The following MIPEP variants were observed in gnomAD, a reference collection of about 807,000 sequenced individuals.
MIPEP encodes the protein mitochondrial intermediate peptidase.
Under a neutral mutation model 90.3 loss-of-function variants are expected in MIPEP, and 79 were observed. That is an observed-to-expected ratio of 0.87 (90% CI 0.73 to 1.05). MIPEP has a LOEUF of 1.05. Among genes scored for constraint, MIPEP ranks in the 50% least tolerant of loss-of-function variants. MIPEP has a pLI of 0.00. For missense variants in MIPEP, 940 were observed against 905.6 expected, an observed-to-expected ratio of 1.04 and a Z score of -0.49; for synonymous variants, 334 against 315.8, an observed-to-expected ratio of 1.06 and a Z score of -0.61.
Position 23,796,101 on chromosome 13 carries a change from T to C in MIPEP, c.1848+9849A>G, listed in dbSNP as rs183989317. Among the ~76,000 whole-genome samples the C allele has an allele frequency of 2.4e-4, 37 of 152,212 alleles. 1 individual carries two copies. In the East Asian group the frequency reaches 5.2e-3, roughly 21 times the overall value. The stretch of plus-strand genomic sequence containing the variant: ...TATATGTATATACATGTATGCTCTA[T>C]ATATCGAACAAAGAAGCTCTTAAAA... On this transcript the variant is annotated intron_variant, in intron 16 of 18. Transcript: ENST00000382172.
At chr13:23,839,457 A>G (rs1200074462) in intron 12 of MIPEP, among the ~76,000 whole-genome samples, 192 bp downstream of exon 12, 2 of 152,252 alleles carry the variant, frequency 1.3e-5, no homozygotes, top group Admixed American at 6.5e-5. Context: ...AGTGACAAAT[A>G]TAGACTGATG....
Position 23,756,606 on chromosome 13 carries a change from C to T in MIPEP, c.1983G>A (p.Glu661=). 6.2e-7 allele frequency: 1 copy of T among 1,613,356 alleles called. No individual in the cohort carries two copies. The highest frequency in any genetic ancestry group is 1.1e-5 in the South Asian group (1 of 91,078). The stretch of plus-strand genomic sequence containing the variant: ...GGGCCAGCATCTCCCTGCGATAGCG[C>T]TCCCCGGCAGCCCTGGGGAAGAGAG... ...LQDPFNRAAG[E]RYRREMLAHG... The change falls in exon 18 of 19, where the codon GAG becomes GAA. Residue 661 remains glutamate (E), a synonymous_variant. Coordinates refer to ENST00000382172, the MANE Select transcript of MIPEP (RefSeq NM_005932.4).
rs1253210594 is a variant in MIPEP, at chr13:23,889,365, T to C, written c.-45A>G. The C allele has an allele frequency of 7.2e-6, 9 of 1,247,518 alleles. No homozygotes were observed. In the African/African-American group the frequency reaches 1.4e-4, roughly 19 times the overall value. 77.3% of individuals were successfully genotyped at this position (1,247,518 alleles called of 1,614,324 possible). On this transcript the variant is annotated 5_prime_UTR_variant, in exon 1 of 19. Transcript: ENST00000382172. ...CTTCCTCCAACGCAGATCCCTGCCCTGCTGCTTTCGCTGGGAGCGCGCGCT... is the reference window on the plus strand; with the variant it reads ...CTTCCTCCAACGCAGATCCCTGCCCCGCTGCTTTCGCTGGGAGCGCGCGCT...
intron 18 of MIPEP, among the ~76,000 whole-genome samples, chr13:23,732,294 T>C (rs554526702): frequency 2.0e-5 from 3 of 152,258 alleles, no homozygotes; most frequent in Admixed American, 6.5e-5. Context: ...ACACCAAATG[T>C]TGACAAGGCT....
intron 18 of MIPEP, among the ~76,000 whole-genome samples, chr13:23,749,466 C>A (rs1167804329): frequency 6.6e-6 from 1 of 152,194 alleles, no homozygotes; most frequent in East Asian, 1.9e-4. Flanking sequence ...AACGTGTCAT[C>A]CTGTCAGTCA....
chr13:23,849,513 T>A (rs941383288), intron 10 of MIPEP, among the ~76,000 whole-genome samples: 8 of 152,234 alleles, frequency 5.3e-5, no homozygotes, highest in Non-Finnish European at 1.2e-4. Flanking sequence ...TGTTATCCAC[T>A]ACAGGTGACT....
At chr13:23,766,835 T>G (rs1952595308) in intron 16 of MIPEP, among the ~76,000 whole-genome samples, 1 of 152,376 alleles carries the variant, frequency 6.6e-6, no homozygotes, top group East Asian at 1.9e-4. Context: ...GCCTTAAATA[T>G]AGACAGAAGC....
chr13:23,885,655 G>A (rs1871446180), intron 2 of MIPEP, among the ~76,000 whole-genome samples: 1 of 150,624 alleles, frequency 6.6e-6, no homozygotes, highest in African/African-American at 2.4e-5. Context: ...AGAGATCTAG[G>A]TATACACTTC....
rs1226268470 is a variant in MIPEP at position 23,730,298 on chromosome 13, CAA to C, written c.*48_*49del. ...GCTCTCACAGCTGTAGCATTTATAA[CAA>C]AGTCATTATCTACATGACCTTGATT... is the stretch of plus-strand genomic sequence containing the variant. On this transcript the variant is annotated 3_prime_UTR_variant, in exon 19 of 19. Transcript: ENST00000382172. 8.1e-6 allele frequency: 10 copies of C among 1,237,760 alleles called. No individual in the cohort carries two copies. Among genetic ancestry groups the C allele is most frequent in the Admixed American group, 7.2e-5 (4 of 55,554 alleles). The allele number at this position is 1,237,760 out of a possible 1,614,324, so 76.7% of individuals were successfully genotyped here.
At chr13:23,835,327 C>G (rs1566011365) in intron 14 of MIPEP, among the ~76,000 whole-genome samples, 1 of 151,350 alleles carries the variant, frequency 6.6e-6, no homozygotes, top group Non-Finnish European at 1.5e-5. Flanking sequence ...GCCAGAAGAT[C>G]AGATTATTCT....
rs77247002 is a variant in MIPEP at position 23,838,950 on chromosome 13, T to C, written c.1338+699A>G. Among the ~76,000 whole-genome samples, 1,144 of 152,372 alleles carry C rather than the reference T, an allele frequency of 7.5e-3. 15 individuals are homozygous for C. The highest frequency in any genetic ancestry group is 0.026 in the African/African-American group (1,083 of 41,584). The stretch of plus-strand genomic sequence containing the variant: ...ATAAGCTCACATCTGTTAAAATCTG[T>C]GCTTTGGAAATTGTGAATCACTATT... On this transcript the variant is annotated intron_variant, in intron 12 of 18. Coordinates refer to ENST00000382172, the MANE Select transcript of MIPEP (RefSeq NM_005932.4).
intron 10 of MIPEP, among the ~76,000 whole-genome samples, chr13:23,852,067 T>C (rs1869821718): frequency 6.6e-6 from 1 of 152,204 alleles, no homozygotes; most frequent in South Asian, 2.1e-4. Flanking sequence ...ACAAATGGCC[T>C]GGTCTCTTCA....
intron 16 of MIPEP, among the ~76,000 whole-genome samples, chr13:23,778,522 A>C (rs1459174687): frequency 6.6e-6 from 1 of 152,142 alleles, no homozygotes; most frequent in African/African-American, 2.4e-5. Flanking sequence ...TGGGGAGCAG[A>C]GACTCCCTCA....
chr13:23,754,892 C>A (rs1298311587), intron 18 of MIPEP, among the ~76,000 whole-genome samples: 1 of 152,208 alleles, frequency 6.6e-6, no homozygotes, highest in Non-Finnish European at 1.5e-5. Context: ...CTGGAACAGA[C>A]CCTGAACTAG....
At chr13:23,870,418 T>C (rs11617019) in intron 5 of MIPEP, among the ~76,000 whole-genome samples, 22,103 of 152,104 alleles carry the variant, frequency 0.15, 1,782 homozygotes, top group African/African-American at 0.21. Context: ...ATCATACTTA[T>C]GGTTTTCTGA....
intron 2 of MIPEP, among the ~76,000 whole-genome samples, chr13:23,883,670 CA>C (rs1311602628): frequency 2.0e-5 from 3 of 152,168 alleles, no homozygotes; most frequent in Admixed American, 6.5e-5. Context: ...AGTATGAATG[CA>C]AATTTTTTTT....
At chr13:23,826,977 G>T (rs528155287) in intron 14 of MIPEP, among the ~76,000 whole-genome samples, 1 of 152,304 alleles carries the variant, frequency 6.6e-6, no homozygotes, top group East Asian at 1.9e-4. Flanking sequence ...AAACAATACA[G>T]CATCTATATA....
intron 17 of MIPEP, among the ~76,000 whole-genome samples, chr13:23,758,046 T>C (rs1300105762): frequency 1.3e-5 from 2 of 152,172 alleles, no homozygotes; most frequent in Non-Finnish European, 2.9e-5. Context: ...ATCAAAAACA[T>C]GCTGACATCA....
rs1178186750 is a variant in MIPEP at position 23,858,470 on chromosome 13, C to CAAA, written c.1106+387_1106+389dup. Among the ~76,000 whole-genome samples, 174 of 48,918 alleles carry CAAA rather than the reference C, an allele frequency of 3.6e-3. 2 individuals are homozygous for CAAA. The highest frequency in any genetic ancestry group is 0.012 in the African/African-American group (165 of 13,670). The allele number at this position is 48,918 out of a possible 152,430, so 32.1% of individuals were successfully genotyped here. A position where few individuals can be genotyped will look rare whatever the true frequency, so the allele number is the denominator to read the frequency against. ...CCTGGGAGAGAGCAAGACTCCGCCTCAAAAAAAAAAAAAAAAAAAAAAGGA... is the reference window on the plus strand; with the variant it reads ...CCTGGGAGAGAGCAAGACTCCGCCTCAAAAAAAAAAAAAAAAAAAAAAAAAGGA... On this transcript the variant is annotated intron_variant, in intron 10 of 18. Transcript: ENST00000382172.
Sources: allele counts gnomAD v4.1 joint callset (sites outside exome capture counted in the v4.1 genomes callset), GRCh38; gene constraint gnomAD v4.1.1; transcripts MANE v1.5; gene names NCBI Gene and HGNC (gene_info 2026-07-23, HGNC 2026-07-21).